Variants in HELZ observed in about 807,000 individuals in gnomAD.
HELZ encodes the protein ATP-dependent RNA helicase with zinc finger domain.
In HELZ, 23 loss-of-function variants were observed where a neutral mutation model predicts 218.2. The observed-to-expected ratio is 0.11, with a 90% CI of 0.08 to 0.15. The LOEUF is 0.15. Among genes scored for constraint, HELZ ranks in the 10% least tolerant of loss-of-function variants. The probability of loss-of-function intolerance (pLI) is 1.00; values close to 1 mark genes in which losing one functional copy is unlikely to be tolerated. For synonymous variants in HELZ, 814 were observed against 829.4 expected (o/e 0.98, Z 0.32); for missense variants, 1,813 against 2,353.7 (o/e 0.77, Z 4.75).
At chr17:67,093,564 G>A (rs1045739912) in intron 31 of HELZ, among the ~76,000 whole-genome samples, 1 of 152,194 alleles carries the variant, frequency 6.6e-6, no homozygotes, top group Admixed American at 6.5e-5. Context: ...TGTTCCATAA[G>A]GCAGCGCCTT....
At chr17:67,205,380 T>TA (rs1413336422) in intron 5 of HELZ, among the ~76,000 whole-genome samples, 3 of 152,170 alleles carry the variant, frequency 2.0e-5, no homozygotes, top group Admixed American at 2.0e-4. Context: ...AGGTATGGAT[T>TA]AGTTACATCG....
rs1394071232 is a variant in HELZ, at chr17:67,096,367, C to G, written c.5242-9286G>C. Among the ~76,000 whole-genome samples, 7 of 152,318 alleles carry G rather than the reference C, an allele frequency of 4.6e-5. No individual in the cohort carries two copies. In the East Asian group the frequency reaches 7.7e-4, roughly 17 times the overall value. On this transcript the variant is annotated intron_variant, in intron 31 of 32. Transcript: ENST00000358691. Reference sequence around the variant, plus strand: ...CCAGCTGCATTAGTTCCTAACAAGACAGTCAGCCTGTTCCTCGAAGCTTTG... The same window carrying G: ...CCAGCTGCATTAGTTCCTAACAAGAGAGTCAGCCTGTTCCTCGAAGCTTTG...
intron 15 of HELZ, among the ~76,000 whole-genome samples, chr17:67,163,776 C>A (rs2039059049): frequency 6.6e-6 from 1 of 152,086 alleles, no homozygotes; most frequent in Non-Finnish European, 1.5e-5. Flanking sequence ...TTAAGCAATC[C>A]TCCCACCTCG....
At chr17:67,125,573 A>T (rs2037768177) in intron 24 of HELZ, among the ~76,000 whole-genome samples, 1 of 151,660 alleles carries the variant, frequency 6.6e-6, no homozygotes, top group East Asian at 1.9e-4. Context: ...CTCCAGACCT[A>T]TCACTAATTT....
chr17:67,141,976 G>T (rs939638217), intron 21 of HELZ, among the ~76,000 whole-genome samples: 1 of 151,780 alleles, frequency 6.6e-6, no homozygotes, highest in Non-Finnish European at 1.5e-5. Context: ...CCTGGGAGGC[G>T]AAGGTTGCAG....
intron 8 of HELZ, among the ~76,000 whole-genome samples, chr17:67,194,648 A>G (rs1320970393): frequency 6.6e-6 from 1 of 152,362 alleles, no homozygotes; most frequent in East Asian, 1.9e-4. Flanking sequence ...TTGTTTGGAT[A>G]GGAGTTTCCA....
intron 32 of HELZ, among the ~76,000 whole-genome samples, chr17:67,085,554 GTTTT>G (rs11420818): frequency 6.6e-6 from 1 of 151,240 alleles, no homozygotes; most frequent in Admixed American, 6.6e-5. Flanking sequence ...GCTTTTAAAT[GTTTT>G]TTTTTAATTT....
At chr17:67,129,317 TATAC>T (rs1207506555) in intron 23 of HELZ, among the ~76,000 whole-genome samples, 2 of 151,916 alleles carry the variant, frequency 1.3e-5, no homozygotes, top group Non-Finnish European at 2.9e-5. Flanking sequence ...CATACGCATA[TATAC>T]ATATACACGC....
At chr17:67,231,960 G>A (rs1407252706) in intron 3 of HELZ, among the ~76,000 whole-genome samples, 2 of 149,614 alleles carry the variant, frequency 1.3e-5, no homozygotes, top group Admixed American at 6.7e-5. Flanking sequence ...GGCTGAGGCA[G>A]GAGAATTGCT....
At chr17:67,242,412 CAA>C (rs57142727) in intron 2 of HELZ, among the ~76,000 whole-genome samples, 1,344 of 92,466 alleles carry the variant, frequency 0.015, 18 homozygotes, top group South Asian at 0.025. Flanking sequence ...AACTCTGTCT[CAA>C]AAAAAAAAAA....
chr17:67,122,716 A>C (rs1022788085), intron 26 of HELZ, among the ~76,000 whole-genome samples: 1 of 152,174 alleles, frequency 6.6e-6, no homozygotes, highest in African/African-American at 2.4e-5. Context: ...CTCAAAAAAA[A>C]AACAAAACAA....
intron 2 of HELZ, among the ~76,000 whole-genome samples, chr17:67,242,694 A>C (rs1221247611): frequency 1.3e-5 from 2 of 152,198 alleles, no homozygotes; most frequent in East Asian, 3.9e-4. Flanking sequence ...AATAAAAATT[A>C]TATGAAATAA....
Position 67,149,901 on chromosome 17 carries a change from T to C in HELZ, c.2441A>G (p.Asn814Ser). The change falls in exon 19 of 33, where the codon AAC (asparagine) becomes AGC (serine). Residue 814 changes from asparagine (N) to serine (S), a missense_variant. Physicochemically the swap from Asn to Ser is conservative, Grantham distance 46 (BLOSUM62 1). This residue lies in a region of HELZ where 714 missense variants were observed against 1,029.2 expected (regional missense o/e 0.69). Coordinates refer to ENST00000358691, the MANE Select transcript of HELZ (RefSeq NM_014877.4). The stretch of plus-strand genomic sequence containing the variant: ...ATCACCAGCCAAGACAATCCGAGTG[T>C]TTTGAGTTGCTAATGCTAGAGGCAT... ...TIMPLALATQ[N>S]TRIVLAGDHM... is the part of the protein sequence containing the mutation. 6.2e-7 allele frequency: 1 copy of C among 1,610,992 alleles called. No homozygotes were observed. The highest frequency in any genetic ancestry group is 1.3e-5 in the African/African-American group (1 of 74,844).
At chr17:67,186,227 T>A (rs1448372823) in intron 12 of HELZ, among the ~76,000 whole-genome samples, 3 of 152,164 alleles carry the variant, frequency 2.0e-5, no homozygotes, top group African/African-American at 7.2e-5. Flanking sequence ...GAAATTATCC[T>A]AATCAAGGCT....
intron 23 of HELZ, among the ~76,000 whole-genome samples, chr17:67,132,861 G>A (rs2038030080): frequency 6.6e-6 from 1 of 152,006 alleles, no homozygotes; most frequent in Non-Finnish European, 1.5e-5. Flanking sequence ...TTGATATTTG[G>A]GAATATATTA....
chr17:67,126,688 AACAC>A (rs10623703), intron 24 of HELZ, among the ~76,000 whole-genome samples: 58 of 149,958 alleles, frequency 3.9e-4, no homozygotes, highest in African/African-American at 1.2e-3. Flanking sequence ...GTCCTGCTAA[AACAC>A]ACACACACAC....
At chr17:67,213,620 C>CA (rs1174762463) in intron 5 of HELZ, among the ~76,000 whole-genome samples, 2 of 151,352 alleles carry the variant, frequency 1.3e-5, no homozygotes, top group African/African-American at 2.4e-5. Context: ...GACTCCATCT[C>CA]AAAAAAAATA....
intron 24 of HELZ, among the ~76,000 whole-genome samples, chr17:67,127,608 G>A (rs943065083): frequency 6.6e-6 from 1 of 152,148 alleles, no homozygotes; most frequent in Non-Finnish European, 1.5e-5. Flanking sequence ...AGCACTTTGG[G>A]AAGCCAAGGC....
chr17:67,213,666 C>T (rs2040515161), intron 5 of HELZ, among the ~76,000 whole-genome samples: 1 of 151,898 alleles, frequency 6.6e-6, no homozygotes, highest in Admixed American at 6.6e-5. Context: ...TACTCCTTAA[C>T]CCAGAAATCC....
Sources: gnomAD v4.1 joint callset for allele counts (sites outside exome capture counted in the v4.1 genomes callset) on GRCh38, gnomAD v4.1.1 for gene constraint, gnomAD v4.1.1 regional missense constraint, MANE v1.5 for transcripts, NCBI Gene and HGNC (gene_info 2026-07-23, HGNC 2026-07-21) for gene names.